The following RAB4A variants were observed in gnomAD, a reference collection of about 807,000 sequenced individuals.
RAB4A encodes RAB4A, member RAS oncogene family, also known as ras-related protein Rab-4A.
In RAB4A, 20 loss-of-function variants were observed where a neutral mutation model predicts 34.5. The ratio of observed to expected loss-of-function variants is 0.58; its 90% CI spans 0.41 to 0.84. The LOEUF (loss-of-function observed/expected upper bound fraction) is 0.84, where lower values mean the gene tolerates loss of function less well. RAB4A is among the 40% of genes least tolerant of loss of function. The pLI is 0.00. For synonymous variants in RAB4A, 102 were observed against 100.0 expected (o/e 1.02, Z -0.12); for missense variants, 228 against 274.5 (o/e 0.83, Z 1.20).
intron 3 of RAB4A, among the ~76,000 whole-genome samples, chr1:229,295,631 G>A (rs967670562): frequency 4.6e-5 from 7 of 152,174 alleles, no homozygotes; most frequent in African/African-American, 9.7e-5. Flanking sequence ...AGCTGCATCC[G>A]CTGTGAAGGA....
intron 3 of RAB4A, among the ~76,000 whole-genome samples, chr1:229,294,541 C>A (rs1372089231): frequency 6.6e-6 from 1 of 152,200 alleles, no homozygotes; most frequent in Admixed American, 6.5e-5. Context: ...ACAGCTCTTT[C>A]AGAAAGTTGG....
intron 3 of RAB4A, among the ~76,000 whole-genome samples, chr1:229,293,172 G>T (rs1389638826): frequency 6.6e-6 from 1 of 152,180 alleles, no homozygotes; most frequent in Non-Finnish European, 1.5e-5. Context: ...ACGAGGTATG[G>T]GGATGGGCCA....
At chr1:229,276,951 G>A (rs986150252) in intron 1 of RAB4A, among the ~76,000 whole-genome samples, 2 of 147,808 alleles carry the variant, frequency 1.4e-5, no homozygotes, top group African/African-American at 5.1e-5. Flanking sequence ...GGCCAGGATG[G>A]GAGTAGTTTT....
In RAB4A at chr1:229,302,948, G is replaced by A. The variant is rs1263360422; in HGVS notation, c.628G>A (p.Ala210Thr). Residue 210 changes from alanine (A) to threonine (T), a missense_variant, in exon 7 of 8, where the codon GCC (alanine) becomes ACC (threonine). Ala to Thr is a moderately conservative substitution (Grantham distance 58, BLOSUM62 0). Transcript: ENST00000366690. ...GCTGAGGTCACCGCGGCGCGCACAG[G>A]CCCCGAACGCTCAGGAGTGTGGTTG... is the stretch of plus-strand genomic sequence containing the variant. ...RQLRSPRRAQAPNAQECGC is the reference protein window; with the variant it reads ...RQLRSPRRAQTPNAQECGC The A allele has an allele frequency of 1.9e-6, 3 of 1,613,928 alleles. No individual in the cohort carries two copies. Among genetic ancestry groups the A allele is most frequent in the Non-Finnish European group, 2.5e-6 (3 of 1,179,892 alleles).
At chr1:229,302,309 A>ATTTTTT (rs869095524) in intron 6 of RAB4A, among the ~76,000 whole-genome samples, 5 of 35,898 alleles carry the variant, frequency 1.4e-4, no homozygotes, top group Non-Finnish European at 1.6e-4. Flanking sequence ...ATATATATAT[A>ATTTTTT]TTTTTTTTTT....
At chr1:229,273,698 C>T (rs1656563372) in intron 1 of RAB4A, among the ~76,000 whole-genome samples, 1 of 152,178 alleles carries the variant, frequency 6.6e-6, no homozygotes, top group Admixed American at 6.5e-5. Context: ...AAGATTGTGC[C>T]ACTGCACTCC....
At chr1:229,301,454 C>T (rs1289958120) in intron 6 of RAB4A, among the ~76,000 whole-genome samples, 2 of 151,940 alleles carry the variant, frequency 1.3e-5, no homozygotes, top group African/African-American at 4.8e-5. Flanking sequence ...AATTACTAAG[C>T]TTGGTACAAA....
rs142981865 is a variant in RAB4A at position 229,296,730 on chromosome 1, A to G, written c.291-752A>G. Among the ~76,000 whole-genome samples the G allele has an allele frequency of 1.2e-3, 186 of 152,234 alleles. 2 individuals carry two copies. The highest frequency in any genetic ancestry group is 4.1e-3 in the African/African-American group (169 of 41,524). ...ACTCAGCAGCCGCTTCCCTCTTCCA[A>G]TCTGTGTCCCGGGAGCCAGGCGTTC... On this transcript the variant is annotated intron_variant, in intron 4 of 7. Transcript: ENST00000366690.
At chr1:229,286,341 A>G (rs237763) in intron 1 of RAB4A, 145 bp from the exon 2 acceptor site, 118,207 of 573,246 alleles carry the variant, frequency 0.21, 13,786 homozygotes, top group African/African-American at 0.39. Context: ...AAGTCAACAT[A>G]TGTATTGTCA....
intron 1 of RAB4A, among the ~76,000 whole-genome samples, chr1:229,278,029 T>C (rs1055346847): frequency 6.6e-6 from 1 of 151,756 alleles, no homozygotes; most frequent in Non-Finnish European, 1.5e-5. Flanking sequence ...CACGCCTGGC[T>C]CATTTTTGTA....
At chr1:229,286,253 A>G (rs1373978431) in intron 1 of RAB4A, among the ~76,000 whole-genome samples, 1 of 152,218 alleles carries the variant, frequency 6.6e-6, no homozygotes, top group Non-Finnish European at 1.5e-5. Context: ...TTAACCTTGC[A>G]AAGTAATTAT....
intron 1 of RAB4A, among the ~76,000 whole-genome samples, chr1:229,275,380 A>G (rs1400803020): frequency 2.0e-5 from 3 of 152,164 alleles, no homozygotes; most frequent in Non-Finnish European, 2.9e-5. Flanking sequence ...TTGAGCCTTC[A>G]GAGAGACCTT....
At chr1:229,279,320 T>A (rs1378402047) in intron 1 of RAB4A, among the ~76,000 whole-genome samples, 1 of 152,230 alleles carries the variant, frequency 6.6e-6, no homozygotes, top group Non-Finnish European at 1.5e-5. Flanking sequence ...TGAATATGGC[T>A]TAATTTTCTT....
At chr1:229,271,433 C>T in intron 1 of RAB4A, 63 bp downstream of exon 1, 3 of 1,173,096 alleles carry the variant, frequency 2.6e-6, no homozygotes, top group Non-Finnish European at 3.2e-6. Context: ...TGGCGCGGGG[C>T]CGGGCCTGGG....
Position 229,302,984 on chromosome 1 carries a change from A to G in RAB4A, c.*7A>G. The G allele has an allele frequency of 6.2e-7, 1 of 1,611,898 alleles. No homozygotes were observed. The highest frequency in any genetic ancestry group is 2.2e-5 in the East Asian group (1 of 44,826). On this transcript the variant is annotated 3_prime_UTR_variant, in exon 7 of 8. Transcript: ENST00000366690. The stretch of plus-strand genomic sequence containing the variant: ...TCAGGAGTGTGGTTGTTAGGAGAGC[A>G]CACAGGTGGGTTTGGACACCTCCCT...
At chr1:229,288,089 CA>C (rs1476480253) in intron 2 of RAB4A, among the ~76,000 whole-genome samples, 4 of 152,170 alleles carry the variant, frequency 2.6e-5, no homozygotes, top group Non-Finnish European at 5.9e-5. Flanking sequence ...AAATCTCAAA[CA>C]CCTGTAGCTT....
chr1:229,295,662 A>G (rs1657233069), intron 3 of RAB4A, among the ~76,000 whole-genome samples, 186 bp from the exon 4 acceptor site: 2 of 152,218 alleles, frequency 1.3e-5, no homozygotes, highest in South Asian at 4.1e-4. Flanking sequence ...TGCCACAGTG[A>G]TGTGATTTCA....
intron 2 of RAB4A, 117 bp from the exon 3 acceptor site, chr1:229,288,612 C>G (rs563398118): frequency 2.6e-5 from 15 of 587,400 alleles, no homozygotes; most frequent in African/African-American, 2.5e-4. Context: ...AAATGAATGG[C>G]TAGAGTAATG....
chr1:229,283,742 T>C (rs1656838548), intron 1 of RAB4A, among the ~76,000 whole-genome samples: 1 of 151,800 alleles, frequency 6.6e-6, no homozygotes, highest in South Asian at 2.1e-4. Context: ...TTTTTTTTTT[T>C]TGAGACGGAG....
Sources: gnomAD v4.1 joint callset for allele counts (sites outside exome capture counted in the v4.1 genomes callset) on GRCh38, gnomAD v4.1.1 for gene constraint, MANE v1.5 for transcripts, NCBI Gene and HGNC (gene_info 2026-07-23, HGNC 2026-07-21) for gene names.